ENKUR: variants seen among roughly 807,000 people sequenced by gnomAD.
The protein encoded by ENKUR is enkurin.
Under a neutral mutation model 27.6 loss-of-function variants are expected in ENKUR, and 19 were observed. The observed-to-expected ratio is 0.69, with a 90% CI of 0.48 to 1.01. The LOEUF is 1.01. Among genes scored for constraint, ENKUR ranks in the 50% least tolerant of loss-of-function variants. The pLI is 0.00. For synonymous variants in ENKUR, 117 were observed against 96.9 expected, an observed-to-expected ratio of 1.21 and a Z score of -1.22; for missense variants, 312 against 310.5, an observed-to-expected ratio of 1.00 and a Z score of -0.04.
chr10:25,009,894 T>G (rs914459229), intron 1 of ENKUR, among the ~76,000 whole-genome samples: 2 of 152,222 alleles, frequency 1.3e-5, no homozygotes, highest in Non-Finnish European at 2.9e-5. Flanking sequence ...CATGTGGAAC[T>G]GCGAGTCAAA....
intron 2 of ENKUR, among the ~76,000 whole-genome samples, chr10:25,042,688 C>T (rs1851078029): frequency 1.3e-5 from 2 of 151,778 alleles, no homozygotes; most frequent in African/African-American, 2.4e-5. Flanking sequence ...GAAAACTATA[C>T]AAAATGGAAG....
intron 2 of ENKUR, among the ~76,000 whole-genome samples, chr10:25,027,705 C>G (rs1052008293): frequency 2.0e-5 from 3 of 151,780 alleles, no homozygotes; most frequent in Admixed American, 1.3e-4. Context: ...CCTGGTGAAA[C>G]CCCATCTCTA....
intron 1 of ENKUR, among the ~76,000 whole-genome samples, chr10:25,004,298 T>C (rs1032298160): frequency 1.3e-5 from 2 of 152,216 alleles, no homozygotes; most frequent in African/African-American, 4.8e-5. Context: ...TATCCAGTTA[T>C]GGGATTGCTG....
intron 2 of ENKUR, among the ~76,000 whole-genome samples, chr10:25,042,759 G>A (rs967880799): frequency 6.6e-6 from 1 of 152,028 alleles, no homozygotes; most frequent in African/African-American, 2.4e-5. Flanking sequence ...GAAGTTGGGG[G>A]TGGGAGGATT....
rs189474800 is a variant in ENKUR at position 25,040,480 on chromosome 10, C to G, written c.37+20632G>C. 5.3e-5 allele frequency among the ~76,000 whole-genome samples: 8 copies of G among 151,436 alleles called. No individual in the cohort carries two copies. In the East Asian group the frequency reaches 1.6e-3, roughly 30 times the overall value. On this transcript the variant is annotated intron_variant, in intron 2 of 5. Transcript: ENST00000615958. Reference sequence around the variant, plus strand: ...CCGCCTCCCAGGTTCACGCCATTCTCCTGCCTCAGCCTCCCTAGTAGCTGG... The same window carrying G: ...CCGCCTCCCAGGTTCACGCCATTCTGCTGCCTCAGCCTCCCTAGTAGCTGG...
At chr10:24,991,762 C>T (rs1849934287) in intron 3 of ENKUR, among the ~76,000 whole-genome samples, 1 of 152,224 alleles carries the variant, frequency 6.6e-6, no homozygotes, top group Non-Finnish European at 1.5e-5. Flanking sequence ...TACAGAAAGT[C>T]CTTTGGAAGC....
At chr10:25,049,532 A>G (rs1851159934) in intron 2 of ENKUR, among the ~76,000 whole-genome samples, 1 of 152,170 alleles carries the variant, frequency 6.6e-6, no homozygotes, top group Admixed American at 6.5e-5. Flanking sequence ...TCATGCCTAT[A>G]ATCCCAGCAC....
At chr10:25,040,580 C>T (rs895063027) in intron 2 of ENKUR, among the ~76,000 whole-genome samples, 41 of 152,054 alleles carry the variant, frequency 2.7e-4, no homozygotes, top group African/African-American at 9.4e-4. Flanking sequence ...CCGTGTTAGC[C>T]AGGATGGTCT....
chr10:24,988,404 G>A (rs937600057), intron 4 of ENKUR, among the ~76,000 whole-genome samples: 2 of 143,436 alleles, frequency 1.4e-5, no homozygotes, highest in African/African-American at 2.6e-5. Flanking sequence ...TTATATATGT[G>A]TATATATATT....
intron 1 of ENKUR, among the ~76,000 whole-genome samples, chr10:25,008,870 C>A (rs532327281): frequency 2.0e-5 from 3 of 148,896 alleles, no homozygotes; most frequent in Admixed American, 6.8e-5. Flanking sequence ...TGTCCAACAA[C>A]GATAGACTGG....
intron 1 of ENKUR, among the ~76,000 whole-genome samples, chr10:25,002,323 CCT>C (rs1850207892): frequency 6.6e-6 from 1 of 152,178 alleles, no homozygotes; most frequent in African/African-American, 2.4e-5. Flanking sequence ...TTTCCACAGT[CCT>C]CTCTCTATGC....
At chr10:25,052,253 G>T (rs766437872) in intron 2 of ENKUR, among the ~76,000 whole-genome samples, 12 of 152,260 alleles carry the variant, frequency 7.9e-5, no homozygotes, top group African/African-American at 2.9e-4. Flanking sequence ...CCTAAATCTA[G>T]CCCTGGCTGT....
chr10:25,007,865 G>A (rs1441967721), intron 1 of ENKUR, among the ~76,000 whole-genome samples: 3 of 151,906 alleles, frequency 2.0e-5, no homozygotes, highest in Non-Finnish European at 2.9e-5. Flanking sequence ...CCATATGCCT[G>A]AAGGGAAAGG....
chr10:25,003,741 C>T (rs755612730), intron 1 of ENKUR, among the ~76,000 whole-genome samples: 8 of 152,008 alleles, frequency 5.3e-5, no homozygotes, highest in Non-Finnish European at 1.2e-4. Flanking sequence ...ACATGCATTA[C>T]GGGGGTTTGT....
At chr10:25,058,800 T>C (rs931865748) in intron 2 of ENKUR, among the ~76,000 whole-genome samples, 3 of 151,816 alleles carry the variant, frequency 2.0e-5, no homozygotes, top group Admixed American at 1.3e-4. Flanking sequence ...GTGTAGTGGC[T>C]CATGCCTGTA....
In ENKUR at chr10:25,046,479, C is replaced by T. The variant is rs76938758; in HGVS notation, c.37+14633G>A. Among the ~76,000 whole-genome samples, 41 of 152,230 alleles carry T rather than the reference C, an allele frequency of 2.7e-4. 1 individual carries two copies. In the East Asian group the frequency reaches 5.6e-3, roughly 21 times the overall value. On this transcript the variant is annotated intron_variant, in intron 2 of 5. Transcript: ENST00000615958. Reference sequence around the variant, plus strand: ...CCCTAGAGATGAAAAACTTTCCATACGCTTTAAAGAAGCAGCTCTACAGCC... The same window carrying T: ...CCCTAGAGATGAAAAACTTTCCATATGCTTTAAAGAAGCAGCTCTACAGCC...
intron 3 of ENKUR, among the ~76,000 whole-genome samples, chr10:24,993,755 G>GT (rs1410076828): frequency 6.6e-6 from 1 of 152,178 alleles, no homozygotes; most frequent in East Asian, 1.9e-4. Flanking sequence ...GTAAACTCTG[G>GT]TATTTTTCTG....
intron 2 of ENKUR, among the ~76,000 whole-genome samples, chr10:25,026,959 C>A (rs886595051): frequency 6.6e-6 from 1 of 151,918 alleles, no homozygotes; most frequent in African/African-American, 2.4e-5. Flanking sequence ...TTCAAAGTTA[C>A]GTTTGTTCAT....
At chr10:25,016,615 G>C (rs1294218987), upstream of ENKUR, 1 of 152,430 alleles carries the variant, frequency 6.6e-6, no homozygotes, top group Non-Finnish European at 1.5e-5. Context: ...GAAGGGCGTG[G>C]AGCGGAGGCA....
Sources: gnomAD v4.1 joint callset for allele counts (sites outside exome capture counted in the v4.1 genomes callset) on GRCh38, gnomAD v4.1.1 for gene constraint, MANE v1.5 for transcripts, NCBI Gene and HGNC (gene_info 2026-07-23, HGNC 2026-07-21) for gene names.